The following USP9X variants were observed in gnomAD, a reference collection of about 807,000 sequenced individuals.
USP9X encodes ubiquitin carboxyl-terminal hydrolase 9X.
A neutral mutation model predicts 190.3 loss-of-function variants in USP9X; 7 were observed. That is an observed-to-expected ratio of 0.04 (90% CI 0.02 to 0.07). The LOEUF is 0.07. Ranked by LOEUF, USP9X falls within the 10% of genes least tolerant of loss-of-function variation. USP9X has a pLI of 1.00. For missense variants in USP9X, 1,010 were observed against 1,916.9 expected, an observed-to-expected ratio of 0.53 and a Z score of 8.83; for synonymous variants, 645 against 659.5, an observed-to-expected ratio of 0.98 and a Z score of 0.34.
intron 21 of USP9X, among the ~76,000 whole-genome samples, chrX:41,173,258 T>A (rs1453412873): frequency 9.0e-6 from 1 of 111,659 alleles, no homozygotes; most frequent in East Asian, 2.8e-4. Context: ...GTGATCCTTT[T>A]CCATATACAG....
At chrX:41,189,641 G>A (rs2062913385) in intron 26 of USP9X, 166 bp downstream of exon 26, 1 of 414,856 alleles carries the variant, frequency 2.4e-6, no homozygotes, top group Non-Finnish European at 3.9e-6. Flanking sequence ...CTAAATGTTT[G>A]GTTTTAGTCT....
chrX:41,125,682 A>ACACACACACACT (rs2062236735), intron 2 of USP9X, among the ~76,000 whole-genome samples: 1 of 22,856 alleles, frequency 4.4e-5, no homozygotes, highest in African/African-American at 1.5e-4. Context: ...ACACACACAC[A>ACACACACACACT]CACTCTCTCT....
chrX:41,120,465 C>T (rs1185345026), intron 1 of USP9X, among the ~76,000 whole-genome samples: 1 of 111,669 alleles, frequency 9.0e-6, no homozygotes, highest in African/African-American at 3.3e-5. Context: ...TTCTACTTCT[C>T]CCTGAAGCTT....
intron 1 of USP9X, among the ~76,000 whole-genome samples, chrX:41,096,267 A>G (rs907786151): frequency 3.6e-5 from 4 of 112,563 alleles, no homozygotes; most frequent in Non-Finnish European, 5.6e-5. Flanking sequence ...TGGTTTGTGT[A>G]GATGTTATTT....
In USP9X at chrX:41,216,285, A is replaced by G. The variant is rs73480466; in HGVS notation, c.5718A>G (p.Thr1906=). The G allele has an allele frequency of 5.9e-4, 710 of 1,210,333 alleles. 2 individuals carry two copies. The African/African-American group carries it at 0.011, about 18-fold the overall frequency. ...RWYKFDDGDV[T]ECKMDDDEEM... ...ATAAATTTGATGATGGTGATGTAAC[A>G]GAATGTAAAATGGATGATGACGAAG... is the stretch of plus-strand genomic sequence containing the variant. The change falls in exon 35 of 45, where the codon ACA becomes ACG. Residue 1906 remains threonine (T), a synonymous_variant. Coordinates refer to ENST00000378308, the MANE Select transcript of USP9X (RefSeq NM_001039591.3).
intron 21 of USP9X, among the ~76,000 whole-genome samples, chrX:41,179,771 C>G (rs1194642502): frequency 9.0e-6 from 1 of 111,289 alleles, no homozygotes; most frequent in Non-Finnish European, 1.9e-5. Flanking sequence ...TTGTGCCTTC[C>G]CAAGTGTTTG....
At chrX:41,214,484 A>C (rs1171421245) in intron 33 of USP9X, 84 bp from the exon 34 acceptor site, 1 of 941,889 alleles carries the variant, frequency 1.1e-6, no homozygotes, top group African/African-American at 2.1e-5. Flanking sequence ...TTTAAAAAAA[A>C]AAGGCAAATG....
At chrX:41,183,949 G>A in intron 21 of USP9X, 49 bp from the exon 22 acceptor site, 1 of 1,160,869 alleles carries the variant, frequency 8.6e-7, no homozygotes, top group Non-Finnish European at 1.1e-6. Flanking sequence ...AGTTAAATAT[G>A]TATGAACACA....
chrX:41,088,107 C>T (rs2061926794), intron 1 of USP9X, among the ~76,000 whole-genome samples: 1 of 111,971 alleles, frequency 8.9e-6, no homozygotes, highest in African/African-American at 3.2e-5. Flanking sequence ...CCTCAGCCTC[C>T]CTGGTAGCTG....
chrX:41,168,500 G>A (rs1050128370), intron 18 of USP9X, among the ~76,000 whole-genome samples: 1 of 111,877 alleles, frequency 8.9e-6, no homozygotes. Flanking sequence ...TGCAGTTGAA[G>A]TGTTTTTGTT....
At chrX:41,131,355 T>C in intron 3 of USP9X, 102 bp from the exon 4 acceptor site, 1 of 594,287 alleles carries the variant, frequency 1.7e-6, no homozygotes, top group Admixed American at 3.9e-5. Flanking sequence ...AATATTAATA[T>C]TAAATATTTT....
rs1450721948 is a variant in USP9X at position 41,086,019 on chromosome X, G to A, written c.-249G>A. ...ACCCCCGGGCCTGGGATGCACCCAGGGTAGGTCTCGTCCCGGGACCGAGCC... is the reference window on the plus strand; with the variant it reads ...ACCCCCGGGCCTGGGATGCACCCAGAGTAGGTCTCGTCCCGGGACCGAGCC... On this transcript the variant is annotated 5_prime_UTR_variant, in exon 1 of 45. Coordinates refer to ENST00000378308, the MANE Select transcript of USP9X (RefSeq NM_001039591.3). 3.4e-6 allele frequency: 1 copy of A among 295,773 alleles called. No individual in the cohort carries two copies. Among genetic ancestry groups the A allele is most frequent in the Non-Finnish European group, 5.9e-6 (1 of 169,822 alleles). The allele number at this position is 295,773 out of a possible 1,213,427, so 24.4% of individuals were successfully genotyped here.
intron 21 of USP9X, among the ~76,000 whole-genome samples, chrX:41,181,324 G>T (rs1202629630): frequency 1.0e-5 from 1 of 95,564 alleles, no homozygotes; most frequent in East Asian, 3.2e-4. Flanking sequence ...TGTGTCCCAG[G>T]CTAGAGTGCA....
chrX:41,096,482 G>T (rs189385538), intron 1 of USP9X, among the ~76,000 whole-genome samples: 1 of 111,507 alleles, frequency 9.0e-6, no homozygotes, highest in African/African-American at 3.3e-5. Flanking sequence ...TCGCTCTGCC[G>T]CCCAGGCTGG....
chrX:41,107,298 C>T (rs1231186319), intron 1 of USP9X, among the ~76,000 whole-genome samples: 6 of 112,462 alleles, frequency 5.3e-5, no homozygotes, highest in African/African-American at 1.9e-4. Context: ...GGATTACAGG[C>T]GTGAGCCACT....
In USP9X at chrX:41,152,935, C is replaced by G; in HGVS notation, c.1764-13C>G. The G allele has an allele frequency of 8.3e-7, 1 of 1,203,318 alleles. No individual in the cohort carries two copies. The highest frequency in any genetic ancestry group is 1.1e-6 in the Non-Finnish European group (1 of 891,094). On this transcript the variant is annotated splice_polypyrimidine_tract_variant and intron_variant, in intron 13 of 44. Transcript: ENST00000378308. ...AATTGCCTAATTATATTGTTAAGTT[C>G]TTCTCGTTTCAGTCAAACTCAGCGA... is the stretch of plus-strand genomic sequence containing the variant.
chrX:41,174,736 T>C lies in USP9X; in HGVS notation c.3148+2778T>C, dbSNP rs1457691031. On this transcript the variant is annotated intron_variant, in intron 21 of 44. Transcript: ENST00000378308. ...TGGGCCAGGCACAGTGACTCATGCC[T>C]ATCATCCCATCACTTTGGGAGGCCG... Among the ~76,000 whole-genome samples, 3 of 112,246 alleles carry C rather than the reference T, an allele frequency of 2.7e-5. No individual in the cohort carries two copies. The East Asian group carries it at 8.4e-4, about 31-fold the overall frequency.
rs376633583 is a variant in USP9X, at chrX:41,198,396, C to G, written c.4381-132C>G. ...AAGGAAGATCTTTTTATTAGAAAAT[C>G]TGAGTTTTCTGAGATGTAATGAGAT... On this transcript the variant is annotated intron_variant, in intron 29 of 44. Coordinates refer to ENST00000378308, the MANE Select transcript of USP9X (RefSeq NM_001039591.3). 18 of 320,321 alleles carry G rather than the reference C, an allele frequency of 5.6e-5. 3 individuals are homozygous for G. In the East Asian group the frequency reaches 7.1e-4, roughly 13 times the overall value. 26.4% of individuals were successfully genotyped at this position (320,321 alleles called of 1,213,427 possible).
intron 3 of USP9X, among the ~76,000 whole-genome samples, chrX:41,129,574 G>C (rs1436034294): frequency 8.9e-6 from 1 of 111,772 alleles, no homozygotes; most frequent in Non-Finnish European, 1.9e-5. Context: ...GAACAGTTCA[G>C]AATATAATTT....
Sources: gnomAD v4.1 joint callset for allele counts (sites outside exome capture counted in the v4.1 genomes callset) on GRCh38, gnomAD v4.1.1 for gene constraint, MANE v1.5 for transcripts, NCBI Gene and HGNC (gene_info 2026-07-23, HGNC 2026-07-21) for gene names.